Variants in TTC23 observed in about 807,000 individuals in gnomAD.
TTC23 encodes the protein tetratricopeptide repeat domain 23.
In TTC23, 58 loss-of-function variants were observed where a neutral mutation model predicts 55.1. The ratio of observed to expected loss-of-function variants is 1.05; its 90% CI spans 0.85 to 1.31. The LOEUF (loss-of-function observed/expected upper bound fraction) is 1.31, where lower values mean the gene tolerates loss of function less well. TTC23 is among the 50% of genes most tolerant of loss of function. TTC23 has a pLI of 0.00. For missense variants in TTC23, 516 were observed against 534.4 expected (o/e 0.97, Z 0.34); for synonymous variants, 203 against 199.9 (o/e 1.02, Z -0.13).
intron 12 of TTC23, among the ~76,000 whole-genome samples, chr15:99,149,993 A>C (rs1248322813): frequency 6.6e-6 from 1 of 152,136 alleles, no homozygotes; most frequent in East Asian, 1.9e-4. Flanking sequence ...GAACCCTAGG[A>C]AGAGTTTTTC....
chr15:99,216,375 C>T (rs572777145), intron 8 of TTC23, among the ~76,000 whole-genome samples: 1 of 152,102 alleles, frequency 6.6e-6, no homozygotes, highest in African/African-American at 2.4e-5. Context: ...AAGCATAAAT[C>T]ATAAGGTGAA....
chr15:99,197,944 G>A (rs1264054527), intron 9 of TTC23, among the ~76,000 whole-genome samples: 4 of 151,914 alleles, frequency 2.6e-5, no homozygotes, highest in Admixed American at 1.3e-4. Flanking sequence ...AAGGGACAGA[G>A]GACACTACTT....
chr15:99,200,190 C>T, intron 8 of TTC23, 94 bp from the exon 9 acceptor site: 1 of 1,170,614 alleles, frequency 8.5e-7, no homozygotes, highest in Non-Finnish European at 1.1e-6. Context: ...ACTCTTTGAT[C>T]CCTGGTGTTC....
At chr15:99,195,361 A>C (rs2075607796) in intron 9 of TTC23, among the ~76,000 whole-genome samples, 1 of 152,216 alleles carries the variant, frequency 6.6e-6, no homozygotes, top group African/African-American at 2.4e-5. Context: ...AATACAATTT[A>C]AAAGAACCAT....
At chr15:99,226,621 T>C (rs1486990594) in intron 5 of TTC23, among the ~76,000 whole-genome samples, 1 of 152,226 alleles carries the variant, frequency 6.6e-6, no homozygotes, top group Non-Finnish European at 1.5e-5. Context: ...TCTCACTATA[T>C]TTAATGTCAG....
rs1169270014 is a variant in TTC23, at chr15:99,215,128, T to C, written c.581+3460A>G. Among the ~76,000 whole-genome samples, 8 of 151,988 alleles carry C rather than the reference T, an allele frequency of 5.3e-5. No individual in the cohort carries two copies. In the East Asian group the frequency reaches 1.6e-3, roughly 30 times the overall value. On this transcript the variant is annotated intron_variant, in intron 8 of 13. Coordinates refer to ENST00000394132, the MANE Select transcript of TTC23 (RefSeq NM_001288615.3). ...GCCTCGGCCTCCCAAAGTGCTGGGA[T>C]TACAGGCATGAGCCACCGTGCCTGA...
At position 99,213,281 on chromosome 15, in the gene TTC23, A is replaced by T. The variant is rs552873079; in HGVS notation, c.581+5307T>A. Among the ~76,000 whole-genome samples, 120 of 152,346 alleles carry T rather than the reference A, an allele frequency of 7.9e-4. 1 individual carries two copies. The highest frequency in any genetic ancestry group is 7.8e-4 in the Non-Finnish European group (53 of 68,038). On this transcript the variant is annotated intron_variant, in intron 8 of 13. Coordinates refer to ENST00000394132, the MANE Select transcript of TTC23 (RefSeq NM_001288615.3). ...AGAATTAGGATGAAAAGAAGTAGCA[A>T]AGTTTGAAACAACTTGGCTAAACAC...
intron 10 of TTC23, among the ~76,000 whole-genome samples, chr15:99,174,546 C>G (rs1209303803): frequency 6.6e-6 from 1 of 151,790 alleles, no homozygotes; most frequent in Non-Finnish European, 1.5e-5. Context: ...TAAATAATTC[C>G]TGAAGCTTGA....
At chr15:99,159,146 G>C (rs1596316432) in intron 11 of TTC23, 1 of 152,326 alleles carries the variant, frequency 6.6e-6, no homozygotes, top group East Asian at 1.9e-4. Context: ...CACTGATCTG[G>C]GTGACTTGGG....
Position 99,165,130 on chromosome 15 carries a change from G to T in TTC23, c.866-3263C>A, listed in dbSNP as rs114818856. 8.0e-3 allele frequency among the ~76,000 whole-genome samples: 1,213 copies of T among 152,320 alleles called. 16 individuals carry two copies. Among genetic ancestry groups the T allele is most frequent in the African/African-American group, 0.028 (1,171 of 41,564 alleles). On this transcript the variant is annotated intron_variant, in intron 10 of 13. Coordinates refer to ENST00000394132, the MANE Select transcript of TTC23 (RefSeq NM_001288615.3). ...TTTTAGGGACAGTTTTGATAATTGTGGCTATGGGTCCCCATACTAGGCTGA... is the reference window on the plus strand; with the variant it reads ...TTTTAGGGACAGTTTTGATAATTGTTGCTATGGGTCCCCATACTAGGCTGA...
chr15:99,150,307 T>C (rs886199299), intron 12 of TTC23, among the ~76,000 whole-genome samples: 1 of 152,138 alleles, frequency 6.6e-6, no homozygotes, highest in Non-Finnish European at 1.5e-5. Flanking sequence ...ACTATCCTCA[T>C]AGTGATTTAA....
At chr15:99,140,133 A>C (rs2068060156) in intron 12 of TTC23, 1 of 181,236 alleles carries the variant, frequency 5.5e-6, no homozygotes. Context: ...GTAGACAAAA[A>C]GACCAGTGGA....
intron 12 of TTC23, among the ~76,000 whole-genome samples, chr15:99,152,608 G>A (rs1404038310): frequency 2.0e-5 from 3 of 152,234 alleles, no homozygotes; most frequent in Admixed American, 1.3e-4. Context: ...CTGACCTCAG[G>A]TGATCTGCCC....
chr15:99,146,047 T>C (rs2068819451), intron 12 of TTC23, among the ~76,000 whole-genome samples: 1 of 152,194 alleles, frequency 6.6e-6, no homozygotes, highest in African/African-American at 2.4e-5. Context: ...GGTTCTAATG[T>C]CCTTATCGAC....
At chr15:99,140,902 A>C (rs1328273745) in intron 12 of TTC23, 5 of 152,208 alleles carry the variant, frequency 3.3e-5, no homozygotes, top group Non-Finnish European at 5.9e-5. Flanking sequence ...GTAATGAGAA[A>C]TACCAAACCA....
chr15:99,229,051 T>C (rs572723362), intron 4 of TTC23, among the ~76,000 whole-genome samples: 1 of 102,352 alleles, frequency 9.8e-6, no homozygotes, highest in Non-Finnish European at 2.1e-5. Flanking sequence ...CAGTAGAAAT[T>C]AGCCTAGCAC....
chr15:99,205,947 G>C (rs2076593951), intron 8 of TTC23, among the ~76,000 whole-genome samples: 1 of 152,160 alleles, frequency 6.6e-6, no homozygotes, highest in Non-Finnish European at 1.5e-5. Context: ...CTGTGGGTTT[G>C]TCATATATGG....
At chr15:99,185,116 C>A (rs967635449) in intron 9 of TTC23, among the ~76,000 whole-genome samples, 1 of 152,100 alleles carries the variant, frequency 6.6e-6, no homozygotes, top group African/African-American at 2.4e-5. Context: ...TACCCAGTCT[C>A]GGGTATTTCC....
chr15:99,220,189 T>C (rs2077807674), intron 6 of TTC23, among the ~76,000 whole-genome samples: 1 of 152,172 alleles, frequency 6.6e-6, no homozygotes, highest in African/African-American at 2.4e-5. Flanking sequence ...CCACCACTTA[T>C]TATAAAACGT....
Sources: allele counts gnomAD v4.1 joint callset (sites outside exome capture counted in the v4.1 genomes callset), GRCh38; gene constraint gnomAD v4.1.1; transcripts MANE v1.5; gene names NCBI Gene and HGNC (gene_info 2026-07-23, HGNC 2026-07-21).